SETD2: variants seen among roughly 807,000 people sequenced by gnomAD.
SETD2 encodes SET domain containing 2, histone lysine methyltransferase.
In SETD2, 31 loss-of-function variants were observed where a neutral mutation model predicts 242.1. The ratio of observed to expected loss-of-function variants is 0.13; its 90% confidence interval spans 0.10 to 0.17. SETD2 has a LOEUF of 0.17. Among genes scored for constraint, SETD2 ranks in the 10% least tolerant of loss-of-function variants. SETD2 has a pLI of 1.00. For missense variants in SETD2, 2,481 were observed against 3,046.3 expected (o/e 0.81, Z 4.37); for synonymous variants, 1,006 against 1,066.5 (o/e 0.94, Z 1.11).
chr3:47,095,439 A>G (rs1453414325), intron 9 of SETD2, among the ~76,000 whole-genome samples: 1 of 152,126 alleles, frequency 6.6e-6, no homozygotes, highest in Non-Finnish European at 1.5e-5. Context: ...TGGCCTGGAA[A>G]GTTTTTATGG....
In SETD2 at chr3:47,122,184, T is replaced by G. The variant is rs772334379; in HGVS notation, c.2452A>C (p.Lys818Gln). The G allele has an allele frequency of 9.3e-6, 15 of 1,613,974 alleles. No homozygotes were observed. Among genetic ancestry groups the G allele is most frequent in the Middle Eastern group, 1.6e-4 (1 of 6,080 alleles). Residue 818 changes from lysine (K) to glutamine (Q), a missense_variant, in exon 3 of 21, where the codon AAG (lysine) becomes CAG (glutamine). This residue lies in a region of SETD2 where 1,300 missense variants were observed against 1,259.2 expected (regional missense o/e 1.03). Coordinates refer to ENST00000409792, the MANE Select transcript of SETD2 (RefSeq NM_014159.7). Reference protein sequence around the residue: ...EAENIEPSVMKISSNSFMNVH... With the variant: ...EAENIEPSVMQISSNSFMNVH... Reference sequence around the variant, plus strand: ...TTCATAAAGCTATTTGAAGAAATCTTCATAACTGAAGGCTCAATATTTTCA... The same window carrying G: ...TTCATAAAGCTATTTGAAGAAATCTGCATAACTGAAGGCTCAATATTTTCA...
chr3:47,046,050 C>T (rs117464604), intron 16 of SETD2, among the ~76,000 whole-genome samples: 4,955 of 151,706 alleles, frequency 0.033, 236 homozygotes, highest in East Asian at 0.13. Flanking sequence ...AATTTAAAAA[C>T]GGGCCGGGCG....
intron 6 of SETD2, chr3:47,105,643 C>T (rs751159737): frequency 9.0e-6 from 4 of 443,662 alleles, no homozygotes; most frequent in South Asian, 1.6e-5. Context: ...AGAAATCAGT[C>T]GGCAGGACAC....
chr3:47,130,978 G>C (rs2043462255), intron 1 of SETD2, among the ~76,000 whole-genome samples: 1 of 152,152 alleles, frequency 6.6e-6, no homozygotes, highest in South Asian at 2.1e-4. Flanking sequence ...AGAATGACAT[G>C]ACTTAAAAAA....
chr3:47,120,996 T>C lies in SETD2; in HGVS notation c.3640A>G (p.Asn1214Asp), dbSNP rs201177499. 93 of 1,614,098 alleles carry C rather than the reference T, an allele frequency of 5.8e-5. 4 individuals are homozygous for C. The highest frequency in any genetic ancestry group is 1.1e-5 in the South Asian group (1 of 91,086). The stretch of plus-strand genomic sequence containing the variant: ...AAAGTGGTCTGTTGCCAAGACTTAT[T>C]TGGGACATCTTCAAAATCAGAAGAA... ...IYSSDFEDVPNKSWQQTTFQN... is the reference protein window; with the variant it reads ...IYSSDFEDVPDKSWQQTTFQN... The change falls in exon 3 of 21, where the codon AAT becomes GAT. Residue 1214 changes from asparagine (N) to aspartate (D), a missense_variant. Physicochemically the swap from Asn to Asp is conservative, Grantham distance 23 (BLOSUM62 1). Around this residue, in one of 17 missense-constraint regions of SETD2, gnomAD observed 1,300 missense variants for 1,259.2 expected, o/e 1.03. Coordinates refer to ENST00000409792, the MANE Select transcript of SETD2 (RefSeq NM_014159.7).
intron 12 of SETD2, among the ~76,000 whole-genome samples, chr3:47,071,026 G>A (rs1055624710): frequency 2.0e-5 from 3 of 152,144 alleles, no homozygotes; most frequent in Non-Finnish European, 4.4e-5. Flanking sequence ...GTCCAGTGCA[G>A]TGGTGTGATC....
Position 47,016,976 on chromosome 3 carries a change from G to A in SETD2, c.*117C>T, listed in dbSNP as rs1450973631. 5.0e-6 allele frequency: 5 copies of A among 993,838 alleles called. No individual in the cohort carries two copies. The African/African-American group carries it at 6.4e-5, about 13-fold the overall frequency. The allele number at this position is 993,838 out of a possible 1,614,324, so 61.6% of individuals were successfully genotyped here. On this transcript the variant is annotated 3_prime_UTR_variant, in exon 21 of 21. Coordinates refer to ENST00000409792, the MANE Select transcript of SETD2 (RefSeq NM_014159.7). ...ACATCTGCAGGGTTGAATTCCCCAG[G>A]GTGATGTATCATCAGTAGCACAGTG...
At chr3:47,078,519 C>CTTTTTT (rs71098448) in intron 12 of SETD2, among the ~76,000 whole-genome samples, 1 of 71,280 alleles carries the variant, frequency 1.4e-5, no homozygotes, top group Non-Finnish European at 2.5e-5. Flanking sequence ...GATTCTCAGC[C>CTTTTTT]TTTTTTTTTT....
intron 12 of SETD2, among the ~76,000 whole-genome samples, chr3:47,072,289 C>A (rs2040858007): frequency 6.6e-6 from 1 of 152,070 alleles, no homozygotes; most frequent in African/African-American, 2.4e-5. Context: ...GCCTGGGCGA[C>A]AGAGTGAGAC....
chr3:47,041,399 G>A (rs1189161285), intron 17 of SETD2: 2 of 446,164 alleles, frequency 4.5e-6, no homozygotes, highest in African/African-American at 4.0e-5. Flanking sequence ...TGTCATCCCA[G>A]CATTTTGGGA....
At position 47,062,082 on chromosome 3, in the gene SETD2, A is replaced by G. The variant is rs1326750509; in HGVS notation, c.6293+81T>C. 7 of 1,287,456 alleles carry G rather than the reference A, an allele frequency of 5.4e-6. No individual in the cohort carries two copies. In the African/African-American group the frequency reaches 8.9e-5, roughly 16 times the overall value. The allele number at this position is 1,287,456 out of a possible 1,614,324, so 79.8% of individuals were successfully genotyped here. A position where few individuals can be genotyped will look rare whatever the true frequency, so the allele number is the denominator to read the frequency against. ...AATTCCAAAAGCCCTTGATGTTCACAATCAGAAGTATATGACTTGGGTACT... is the reference window on the plus strand; with the variant it reads ...AATTCCAAAAGCCCTTGATGTTCACGATCAGAAGTATATGACTTGGGTACT... On this transcript the variant is annotated intron_variant, in intron 14 of 20. Transcript: ENST00000409792.
intron 19 of SETD2, among the ~76,000 whole-genome samples, 198 bp downstream of exon 19, chr3:47,019,562 C>A (rs1438760988): frequency 1.3e-5 from 2 of 152,160 alleles, no homozygotes; most frequent in Non-Finnish European, 2.9e-5. Context: ...CTGAGAGGGG[C>A]TCCTGTCAAG....
intron 9 of SETD2, among the ~76,000 whole-genome samples, chr3:47,089,078 T>C (rs1441997159): frequency 1.3e-5 from 2 of 152,188 alleles, no homozygotes; most frequent in African/African-American, 4.8e-5. Flanking sequence ...AAGAATTACA[T>C]GCTATATGAA....
chr3:47,019,312 G>C (rs1172207445), intron 19 of SETD2, among the ~76,000 whole-genome samples: 1 of 152,226 alleles, frequency 6.6e-6, no homozygotes, highest in Non-Finnish European at 1.5e-5. Flanking sequence ...TAAGAGGAAA[G>C]GCAATCTGTC....
chr3:47,161,778 G>A (rs773892723), intron 1 of SETD2, among the ~76,000 whole-genome samples: 1 of 151,802 alleles, frequency 6.6e-6, no homozygotes, highest in Non-Finnish European at 1.5e-5. Context: ...GCTGGGTGTG[G>A]TGACACATGC....
rs71098457 is a variant in SETD2, at chr3:47,150,028, CTTT to C, written c.71+13823_71+13825del. Reference sequence around the variant, plus strand: ...GTGTCTTTTGGCATATCCAAAAATACTTTTTTTTTTTTTTTTTTTTGAGACAGA... The same window carrying C: ...GTGTCTTTTGGCATATCCAAAAATACTTTTTTTTTTTTTTTTTGAGACAGA... On this transcript the variant is annotated intron_variant, in intron 1 of 20. Coordinates refer to ENST00000409792, the MANE Select transcript of SETD2 (RefSeq NM_014159.7). Among the ~76,000 whole-genome samples, 14 of 92,442 alleles carry C rather than the reference CTTT, an allele frequency of 1.5e-4. 1 individual carries two copies. Among genetic ancestry groups the C allele is most frequent in the African/African-American group, 4.0e-4 (9 of 22,722 alleles). The allele number at this position is 92,442 out of a possible 152,430, so 60.6% of individuals were successfully genotyped here. A position where few individuals can be genotyped will look rare whatever the true frequency, so the allele number is the denominator to read the frequency against.
At chr3:47,088,289 A>C in intron 9 of SETD2, 42 bp from the exon 10 acceptor site, 1 of 1,555,558 alleles carries the variant, frequency 6.4e-7, no homozygotes, top group Non-Finnish European at 8.6e-7. Flanking sequence ...AAACAACAAC[A>C]ACAAAAAAAA....
intron 8 of SETD2, among the ~76,000 whole-genome samples, chr3:47,098,765 C>G (rs1046922980): frequency 3.9e-5 from 6 of 152,036 alleles, no homozygotes; most frequent in African/African-American, 1.4e-4. Flanking sequence ...CACCGCACTC[C>G]AGCCTGGGTG....
At chr3:47,135,279 G>A (rs1289367247) in intron 1 of SETD2, among the ~76,000 whole-genome samples, 1 of 152,008 alleles carries the variant, frequency 6.6e-6, no homozygotes, top group Non-Finnish European at 1.5e-5. Flanking sequence ...TGCTTGTTAG[G>A]GTGGCTTTTT....
Sources: allele counts gnomAD v4.1 joint callset (sites outside exome capture counted in the v4.1 genomes callset), GRCh38; gene constraint gnomAD v4.1.1; regional missense constraint gnomAD v4.1.1; transcripts MANE v1.5; gene names NCBI Gene and HGNC (gene_info 2026-07-23, HGNC 2026-07-21).